ITPRID1: variants seen among roughly 807,000 people sequenced by gnomAD.
The protein encoded by ITPRID1 is protein ITPRID1.
In ITPRID1, 96 loss-of-function variants were observed where a neutral mutation model predicts 95.4. That is an observed-to-expected ratio of 1.01 (90% confidence interval 0.85 to 1.19). The LOEUF is 1.19. Ranked by LOEUF, ITPRID1 falls within the 50% of genes most tolerant of loss-of-function variation. The pLI, the probability that ITPRID1 is intolerant of heterozygous loss-of-function variation, is 0.00. For missense variants in ITPRID1, 1,339 were observed against 1,252.9 expected, an observed-to-expected ratio of 1.07 and a Z score of -1.04; for synonymous variants, 510 against 453.6, an observed-to-expected ratio of 1.12 and a Z score of -1.58.
chr7:31,585,820 G>T (rs988728237), intron 10 of ITPRID1, among the ~76,000 whole-genome samples: 3 of 151,996 alleles, frequency 2.0e-5, no homozygotes, highest in African/African-American at 7.2e-5. Flanking sequence ...TGATTACAAA[G>T]AAGCATGACA....
intron 1 of ITPRID1, among the ~76,000 whole-genome samples, chr7:31,519,620 C>CTCTCTCTCTCTCTCTCTCTCTATATATA: frequency 4.0e-5 from 1 of 25,270 alleles, no homozygotes; most frequent in Non-Finnish European, 7.3e-5. Context: ...CTCTCTCTCT[C>CTCTCTCTCTCTCTCTCTCTCTATATATA]TATATATATA....
chr7:31,543,661 G>A (rs1376209111), intron 1 of ITPRID1, among the ~76,000 whole-genome samples: 1 of 151,932 alleles, frequency 6.6e-6, no homozygotes, highest in East Asian at 1.9e-4. Context: ...TTAGTTTATA[G>A]TTCTCTTTAT....
intron 10 of ITPRID1, among the ~76,000 whole-genome samples, chr7:31,617,088 T>C (rs567202752): frequency 9.8e-5 from 15 of 152,298 alleles, no homozygotes; most frequent in Middle Eastern, 6.8e-3. Flanking sequence ...CCAAAGATGG[T>C]TGCACTTCAG....
chr7:31,620,880 A>C (rs1000255345), intron 10 of ITPRID1, among the ~76,000 whole-genome samples: 1 of 152,090 alleles, frequency 6.6e-6, no homozygotes, highest in Admixed American at 6.5e-5. Flanking sequence ...ACGAATGTAT[A>C]ACTAGAATAA....
At chr7:31,634,329 C>G (rs1478648936) in intron 10 of ITPRID1, among the ~76,000 whole-genome samples, 1 of 152,094 alleles carries the variant, frequency 6.6e-6, no homozygotes, top group African/African-American at 2.4e-5. Flanking sequence ...TGAGTTATAA[C>G]AGATAATATT....
chr7:31,570,976 C>G (rs540412058), intron 6 of ITPRID1, among the ~76,000 whole-genome samples: 8 of 152,184 alleles, frequency 5.3e-5, no homozygotes, highest in East Asian at 1.9e-4. Context: ...AACACACTTT[C>G]TCAACCTTAC....
chr7:31,605,797 C>T (rs1583563912), intron 10 of ITPRID1, among the ~76,000 whole-genome samples: 1 of 152,308 alleles, frequency 6.6e-6, no homozygotes, highest in African/African-American at 2.4e-5. Context: ...GCTGATTCTT[C>T]TCCCTGGGAA....
At chr7:31,542,301 G>A (rs1293092709) in intron 1 of ITPRID1, among the ~76,000 whole-genome samples, 2 of 152,168 alleles carry the variant, frequency 1.3e-5, no homozygotes, top group Non-Finnish European at 2.9e-5. Context: ...AAGCTCGCAA[G>A]TTGTGCAGCG....
intron 10 of ITPRID1, among the ~76,000 whole-genome samples, chr7:31,594,095 C>G (rs1057385059): frequency 1.1e-4 from 17 of 152,124 alleles, no homozygotes; most frequent in Non-Finnish European, 1.8e-4. Context: ...TTAACTGTAC[C>G]TTTTCTATGT....
intron 11 of ITPRID1, 143 bp downstream of exon 11, chr7:31,642,401 G>C: frequency 1.5e-6 from 1 of 676,126 alleles, no homozygotes; most frequent in Non-Finnish European, 2.5e-6. Flanking sequence ...GAAAGGTTGA[G>C]AAGGCACAAG....
chr7:31,610,078 T>A (rs1470145971), intron 10 of ITPRID1, among the ~76,000 whole-genome samples: 1 of 151,630 alleles, frequency 6.6e-6, no homozygotes, highest in Non-Finnish European at 1.5e-5. Flanking sequence ...ATTTGTGAAT[T>A]GCCTAAATTT....
At position 31,643,725 on chromosome 7, in the gene ITPRID1, A is replaced by G. The variant is rs559518013; in HGVS notation, c.2355A>G (p.Leu785=). Residue 785 remains leucine (L), a synonymous_variant, in exon 12 of 15, where the codon CTA becomes CTG. Transcript: ENST00000615280. ...AGCCCCTCACCAAATCCGTCTCTCTAGACTCAGGCTTCTCTAGTATCTGCC... is the reference window on the plus strand; with the variant it reads ...AGCCCCTCACCAAATCCGTCTCTCTGGACTCAGGCTTCTCTAGTATCTGCC... ...GPQPLTKSVS[L]DSGFSSICPM... is the part of the protein sequence containing the mutation. 3 of 1,614,054 alleles carry G rather than the reference A, an allele frequency of 1.9e-6. No homozygotes were observed. Among genetic ancestry groups the G allele is most frequent in the African/African-American group, 1.3e-5 (1 of 75,076 alleles).
At chr7:31,572,321 C>A in intron 7 of ITPRID1, 133 bp downstream of exon 7, 1 of 605,792 alleles carries the variant, frequency 1.7e-6, no homozygotes. Flanking sequence ...CCCCATCTTG[C>A]AATAACAATA....
At chr7:31,639,532 G>GTTTTTTTTTTTTTTTTTTTT (rs201859885) in intron 10 of ITPRID1, among the ~76,000 whole-genome samples, 1 of 45,532 alleles carries the variant, frequency 2.2e-5, no homozygotes, top group Non-Finnish European at 3.9e-5. Context: ...TTGTTTGTTT[G>GTTTTTTTTTTTTTTTTTTTT]TTTTTGTTTT....
intron 1 of ITPRID1, among the ~76,000 whole-genome samples, chr7:31,523,766 G>A (rs969914769): frequency 1.3e-5 from 2 of 152,156 alleles, no homozygotes; most frequent in East Asian, 1.9e-4. Flanking sequence ...ACCCAGTCTC[G>A]GGTATTTATA....
At chr7:31,541,280 C>T (rs187403207) in intron 1 of ITPRID1, among the ~76,000 whole-genome samples, 1 of 152,160 alleles carries the variant, frequency 6.6e-6, no homozygotes, top group African/African-American at 2.4e-5. Context: ...TCCTGTCCTG[C>T]ATAATATTAA....
chr7:31,656,501 G>A lies in ITPRID1; in HGVS notation c.*3672G>A, dbSNP rs576826702. On this transcript the variant is annotated 3_prime_UTR_variant, in exon 15 of 15. Transcript: ENST00000615280. ...ACCAAGAACTCAATAAATGCTAACT[G>A]TAATTACTGTCTTCCTTCTGTTGAA... 3.1e-6 allele frequency: 3 copies of A among 978,714 alleles called. No individual in the cohort carries two copies. The highest frequency in any genetic ancestry group is 9.6e-5 in the South Asian group (2 of 20,900). 60.6% of individuals were successfully genotyped at this position (978,714 alleles called of 1,614,324 possible). A position where few individuals can be genotyped will look rare whatever the true frequency, so the allele number is the denominator to read the frequency against.
At chr7:31,558,408 T>C (rs936943854) in intron 5 of ITPRID1, among the ~76,000 whole-genome samples, 5 of 152,210 alleles carry the variant, frequency 3.3e-5, no homozygotes, top group Admixed American at 2.0e-4. Context: ...CTGACTCTTA[T>C]GCATCAGCCC....
intron 2 of ITPRID1, 76 bp downstream of exon 2, chr7:31,549,575 A>G (rs1784214754): frequency 4.0e-6 from 4 of 1,009,602 alleles, no homozygotes; most frequent in Non-Finnish European, 5.6e-6. Context: ...CTCATTATAG[A>G]TATGAGGAAA....
Sources: gnomAD v4.1 joint callset for allele counts (sites outside exome capture counted in the v4.1 genomes callset) on GRCh38, gnomAD v4.1.1 for gene constraint, MANE v1.5 for transcripts, NCBI Gene and HGNC (gene_info 2026-07-23, HGNC 2026-07-21) for gene names.